CORO1A: variants seen among roughly 807,000 people sequenced by gnomAD.
The protein encoded by CORO1A is coronin-1A.
CORO1A carries 17 observed loss-of-function variants against 44.1 expected under a neutral mutation model. That is an observed-to-expected ratio of 0.39 (90% CI 0.26 to 0.58). The LOEUF (loss-of-function observed/expected upper bound fraction) is 0.58, where lower values mean the gene tolerates loss of function less well. Ranked by LOEUF, CORO1A falls within the 20% of genes least tolerant of loss-of-function variation. The probability of loss-of-function intolerance (pLI) is 0.62; values close to 1 mark genes in which losing one functional copy is unlikely to be tolerated. For missense variants in CORO1A, 415 were observed against 606.5 expected, an observed-to-expected ratio of 0.68 and a Z score of 3.32; for synonymous variants, 271 against 244.2, an observed-to-expected ratio of 1.11 and a Z score of -1.02.
chr16:30,186,764 G>A, intron 3 of CORO1A, 44 bp downstream of exon 3: 1 of 1,609,372 alleles, frequency 6.2e-7, no homozygotes, highest in Non-Finnish European at 8.5e-7. Flanking sequence ...GGGGCTCTAG[G>A]ATGGGATCTG....
rs778462244 is a variant in CORO1A, at chr16:30,188,406, G to A, written c.1111G>A (p.Asp371Asn). ...EDLYPPTAGP[D>N]PALTAEEWLG... ...CCTGTACCCACCCACCGCAGGGCCCGACCCTGCCCTCACGGCTGAGGAGTG... is the reference window on the plus strand; with the variant it reads ...CCTGTACCCACCCACCGCAGGGCCCAACCCTGCCCTCACGGCTGAGGAGTG... Residue 371 changes from aspartate to asparagine, a missense_variant, in exon 10 of 11, where the codon GAC becomes AAC. Coordinates refer to ENST00000219150, the MANE Select transcript of CORO1A (RefSeq NM_007074.4). 15 of 1,613,762 alleles carry A rather than the reference G, an allele frequency of 9.3e-6. No homozygotes were observed. The highest frequency in any genetic ancestry group is 3.3e-5 in the South Asian group (3 of 91,070).
chr16:30,185,262 C>A lies in CORO1A; in HGVS notation c.53C>A (p.Pro18Gln), dbSNP rs1486730207. Residue 18 changes from proline to glutamine, a missense_variant, in exon 2 of 11, where the codon CCG becomes CAG. Pro to Gln is a moderately conservative substitution (Grantham distance 76). Coordinates refer to ENST00000219150, the MANE Select transcript of CORO1A (RefSeq NM_007074.4). ...AAGTTCCGCCACGTGTTTGGACAGC[C>A]GGCCAAGGCCGACCAGTGCTATGAA... ...SSKFRHVFGQPAKADQCYEDV... is the reference protein window; with the variant it reads ...SSKFRHVFGQQAKADQCYEDV... The A allele has an allele frequency of 1.9e-6, 3 of 1,614,202 alleles. No homozygotes were observed. The highest frequency in any genetic ancestry group is 3.3e-5 in the Admixed American group (2 of 60,032).
chr16:30,185,548 C>T, intron 2 of CORO1A, 141 bp downstream of exon 2: 3 of 693,032 alleles, frequency 4.3e-6, no homozygotes, highest in Non-Finnish European at 7.2e-6. Context: ...ATGAGCCTTA[C>T]ACTTCCTCCA....
rs531482387 is a variant in CORO1A, at chr16:30,187,184, C to T, written c.597C>T (p.Arg199=). The change falls in exon 5 of 11, where the codon CGC becomes CGT. Residue 199 remains arginine (R), a synonymous_variant. Coordinates refer to ENST00000219150, the MANE Select transcript of CORO1A (RefSeq NM_007074.4). ...TTTGTACCTCCTGCCGTGACAAGCGCGTGCGCATCATCGAGCCCCGCAAAG... is the reference window on the plus strand; with the variant it reads ...TTTGTACCTCCTGCCGTGACAAGCGTGTGCGCATCATCGAGCCCCGCAAAG... ...GLICTSCRDK[R]VRIIEPRKGT... is the part of the protein sequence containing the mutation. 2.7e-5 allele frequency: 43 copies of T among 1,613,706 alleles called. No individual in the cohort carries two copies. Among genetic ancestry groups the T allele is most frequent in the Admixed American group, 1.8e-4 (11 of 60,018 alleles).
At position 30,187,948 on chromosome 16, in the gene CORO1A, A is replaced by T. The variant is rs1185423790; in HGVS notation, c.868A>T (p.Ser290Cys). 1.9e-6 allele frequency: 3 copies of T among 1,614,018 alleles called. No homozygotes were observed. The highest frequency in any genetic ancestry group is 3.3e-5 in the Admixed American group (2 of 60,008). ...NIVYLCGKGD[S>C]SIRYFEITSE... ...CCACACCTGCCACCTACAGGGTGACAGCTCAATCCGGTACTTTGAGATCAC... is the reference window on the plus strand; with the variant it reads ...CCACACCTGCCACCTACAGGGTGACTGCTCAATCCGGTACTTTGAGATCAC... The change falls in exon 8 of 11, where the codon AGC (serine) becomes TGC (cysteine). Residue 290 changes from serine to cysteine, a missense_variant. Ser to Cys is a moderately radical substitution (Grantham distance 112). Coordinates refer to ENST00000219150, the MANE Select transcript of CORO1A (RefSeq NM_007074.4).
chr16:30,186,636 C>T lies in CORO1A; in HGVS notation c.237C>T (p.Gly79=), dbSNP rs201766395. 71 of 1,612,854 alleles carry T rather than the reference C, an allele frequency of 4.4e-5. 1 individual carries two copies. The East Asian group carries it at 1.6e-3, about 36-fold the overall frequency. The change falls in exon 3 of 11, where the codon GGC becomes GGT. Residue 79 remains glycine, a synonymous_variant. Coordinates refer to ENST00000219150, the MANE Select transcript of CORO1A (RefSeq NM_007074.4). Reference sequence around the variant, plus strand: ...ACAAGAATGCGCCCACGGTCTGTGGCCACACAGCCCCTGTGCTAGACATCG... The same window carrying T: ...ACAAGAATGCGCCCACGGTCTGTGGTCACACAGCCCCTGTGCTAGACATCG... The part of the protein sequence containing the change: ...RVDKNAPTVC[G]HTAPVLDIAW...
chr16:30,184,696 C>T lies in CORO1A; in HGVS notation c.-1-513C>T, dbSNP rs2073313342. The T allele has an allele frequency of 5.1e-6, 1 of 196,642 alleles. No homozygotes were observed. Among genetic ancestry groups the T allele is most frequent in the South Asian group, 7.6e-5 (1 of 13,112 alleles). The allele number at this position is 196,642 out of a possible 1,614,324, so 12.2% of individuals were successfully genotyped here. A position where few individuals can be genotyped will look rare whatever the true frequency, so the allele number is the denominator to read the frequency against. ...CTGCCGCCTCACTCCCCTCAGGCAG[C>T]CCCCACGCCACTTCCTCCTGTGTCC... On this transcript the variant is annotated intron_variant, in intron 1 of 10. Transcript: ENST00000219150. The surrounding 1 kb of genome is among the most constrained non-coding windows in gnomAD (Gnocchi z 4.3).
Position 30,185,196 on chromosome 16 carries a change from T to A in CORO1A, c.-1-13T>A. 1 of 1,613,764 alleles carries A rather than the reference T, an allele frequency of 6.2e-7. No individual in the cohort carries two copies. Among genetic ancestry groups the A allele is most frequent in the Non-Finnish European group, 8.5e-7 (1 of 1,179,706 alleles). On this transcript the variant is annotated splice_polypyrimidine_tract_variant and intron_variant, in intron 1 of 10. Transcript: ENST00000219150. ...CCTGAAGGGAGAAATGCTCTTATGC[T>A]GTGTGCCCCCAGAATGAGCCGGCAG... is the stretch of plus-strand genomic sequence containing the variant.
rs370723527 is a variant in CORO1A at position 30,186,777 on chromosome 16, A to G, written c.322-39A>G. On this transcript the variant is annotated intron_variant, in intron 3 of 10. Transcript: ENST00000219150. Reference sequence around the variant, plus strand: ...GAGGGGCTCTAGGATGGGATCTGACATTTGGAGTCCTGAAGACTCACTGGC... The same window carrying G: ...GAGGGGCTCTAGGATGGGATCTGACGTTTGGAGTCCTGAAGACTCACTGGC... The G allele has an allele frequency of 1.4e-5, 22 of 1,609,200 alleles. 1 individual carries two copies. In the African/African-American group the frequency reaches 2.3e-4, roughly 17 times the overall value.
intron 7 of CORO1A, 26 bp downstream of exon 7, chr16:30,187,855 T>TGGGGGGGGGGGGGGGGGGGG: frequency 9.0e-6 from 1 of 110,808 alleles, no homozygotes; most frequent in Non-Finnish European, 1.5e-5. Context: ...GGGGTGGGGG[T>TGGGGGGGGGGGGGGGGGGGG]GGGAGGTGGG....
chr16:30,187,640 T>G, intron 6 of CORO1A, 85 bp from the exon 7 acceptor site: 1 of 1,474,600 alleles, frequency 6.8e-7, no homozygotes, highest in Non-Finnish European at 9.4e-7. Context: ...TCCCACTGGT[T>G]GGTCGGGAGG....
intron 2 of CORO1A, 107 bp from the exon 3 acceptor site, chr16:30,186,491 C>T: frequency 7.1e-7 from 1 of 1,411,560 alleles, no homozygotes. Context: ...GGTCCAGCTC[C>T]CAGGGACACC....
At position 30,188,471 on chromosome 16, in the gene CORO1A, C is replaced by T. The variant is rs2073374149; in HGVS notation, c.1176C>T (p.Leu392=). The T allele has an allele frequency of 7.4e-6, 12 of 1,613,390 alleles. No individual in the cohort carries two copies. Among genetic ancestry groups the T allele is most frequent in the Non-Finnish European group, 1.0e-5 (12 of 1,180,002 alleles). ...ATGCTGGGCCCCTCCTCATCTCCCTCAAGGATGGCTACGTACCCCCAAAGA... is the reference window on the plus strand; with the variant it reads ...ATGCTGGGCCCCTCCTCATCTCCCTTAAGGATGGCTACGTACCCCCAAAGA... ...GRDAGPLLIS[L]KDGYVPPKSR... Residue 392 remains leucine (L), a synonymous_variant, in exon 10 of 11, where the codon CTC becomes CTT. Transcript: ENST00000219150.
In CORO1A at chr16:30,188,399, A is replaced by G. The variant is rs1472585091; in HGVS notation, c.1104A>G (p.Ala368=). ...LFQEDLYPPT[A]GPDPALTAEE... ...AGGAGGACCTGTACCCACCCACCGC[A>G]GGGCCCGACCCTGCCCTCACGGCTG... Residue 368 remains alanine, a synonymous_variant, in exon 10 of 11, where the codon GCA becomes GCG. Coordinates refer to ENST00000219150, the MANE Select transcript of CORO1A (RefSeq NM_007074.4). 1 of 1,613,662 alleles carries G rather than the reference A, an allele frequency of 6.2e-7. No homozygotes were observed. The highest frequency in any genetic ancestry group is 8.5e-7 in the Non-Finnish European group (1 of 1,180,012).
At chr16:30,187,593 C>T in intron 6 of CORO1A, 92 bp downstream of exon 6, 1 of 1,526,210 alleles carries the variant, frequency 6.6e-7, no homozygotes, top group Non-Finnish European at 8.9e-7. Flanking sequence ...GGCAGGATGG[C>T]CATGGGCCTC....
In CORO1A at chr16:30,184,787, G is replaced by A. The variant is rs1030375710; in HGVS notation, c.-1-422G>A. 4.0e-4 allele frequency: 121 copies of A among 304,292 alleles called. 6 individuals are homozygous for A. Among genetic ancestry groups the A allele is most frequent in the Non-Finnish European group, 6.4e-6 (1 of 155,898 alleles). 18.8% of individuals were successfully genotyped at this position (304,292 alleles called of 1,614,324 possible). ...TGCCTTTAGGAAGCGCTGTGTGGGT[G>A]TGAGGGAGGTGGGCTCTGGACACGG... On this transcript the variant is annotated intron_variant, in intron 1 of 10. Transcript: ENST00000219150. This position sits in a 1 kb window ranked among gnomAD's most constrained non-coding sequence, Gnocchi z 4.3.
At position 30,188,349 on chromosome 16, in the gene CORO1A, C is replaced by T; in HGVS notation, c.1066-12C>T. On this transcript the variant is annotated splice_polypyrimidine_tract_variant and intron_variant, in intron 9 of 10. Transcript: ENST00000219150. ...TAAGCGCTTTCCTCACTATCCCTGG[C>T]CTTGCCCACAGTCGGACCTGTTCCA... The T allele has an allele frequency of 3.7e-6, 6 of 1,613,676 alleles. No homozygotes were observed. The highest frequency in any genetic ancestry group is 5.1e-6 in the Non-Finnish European group (6 of 1,179,760).
At chr16:30,185,816 G>A (rs1251873955) in intron 2 of CORO1A, 4 of 260,566 alleles carry the variant, frequency 1.5e-5, no homozygotes, top group South Asian at 4.4e-5. Flanking sequence ...CCCCCAGCTC[G>A]CAGGCAGGGA....
intron 6 of CORO1A, 34 bp downstream of exon 6, chr16:30,187,535 G>A (rs1197363562): frequency 6.3e-7 from 1 of 1,589,304 alleles, no homozygotes; most frequent in Non-Finnish European, 8.5e-7. Context: ...AGGGCCCCCA[G>A]GCTGGGAACC....
Sources: allele counts gnomAD v4.1 joint callset, GRCh38; gene constraint gnomAD v4.1.1; non-coding constraint Gnocchi (gnomAD v3.1); transcripts MANE v1.5; gene names NCBI Gene and HGNC (gene_info 2026-07-23, HGNC 2026-07-21).